SND1: variants seen among roughly 807,000 people sequenced by gnomAD.
SND1 encodes staphylococcal nuclease and tudor domain containing 1.
In SND1, 38 loss-of-function variants were observed where a neutral mutation model predicts 121.7. The observed-to-expected ratio is 0.31, with a 90% CI of 0.24 to 0.41. SND1 has a LOEUF of 0.41. Among genes scored for constraint, SND1 ranks in the 10% least tolerant of loss-of-function variants. SND1 has a pLI of 1.00. For synonymous variants in SND1, 401 were observed against 447.4 expected, an observed-to-expected ratio of 0.90 and a Z score of 1.31; for missense variants, 868 against 1,184.6, an observed-to-expected ratio of 0.73 and a Z score of 3.92.
intron 14 of SND1, among the ~76,000 whole-genome samples, chr7:127,921,529 A>G (rs1317677662): frequency 1.3e-5 from 2 of 152,140 alleles, no homozygotes; most frequent in African/African-American, 4.8e-5. Flanking sequence ...AAAATATTGT[A>G]TATTCTTCCT....
intron 10 of SND1, among the ~76,000 whole-genome samples, chr7:127,786,329 A>G (rs757194397): frequency 5.3e-5 from 8 of 152,184 alleles, no homozygotes; most frequent in Admixed American, 2.6e-4. Context: ...GATAAAATAC[A>G]TTGTTCAGTT....
intron 11 of SND1, among the ~76,000 whole-genome samples, chr7:127,808,597 G>T (rs1480303952): frequency 6.6e-6 from 1 of 152,146 alleles, no homozygotes; most frequent in African/African-American, 2.4e-5. Context: ...TTTGAAGTTG[G>T]ACATAAGGTA....
At chr7:127,742,101 G>C (rs17151229) in intron 10 of SND1, among the ~76,000 whole-genome samples, 42,921 of 152,022 alleles carry the variant, frequency 0.28, 7,551 homozygotes, top group East Asian at 0.67. Flanking sequence ...AGATCTACTT[G>C]ATGGGCAGCT....
chr7:127,743,450 G>A (rs1438452592), intron 10 of SND1, among the ~76,000 whole-genome samples: 1 of 152,172 alleles, frequency 6.6e-6, no homozygotes, highest in Non-Finnish European at 1.5e-5. Flanking sequence ...GGAAGGTGAT[G>A]CTTTTACTTT....
intron 10 of SND1, among the ~76,000 whole-genome samples, chr7:127,734,609 G>A (rs1212621317): frequency 1.3e-5 from 2 of 152,178 alleles, no homozygotes; most frequent in Non-Finnish European, 2.9e-5. Context: ...AGAGAACGTA[G>A]GAGCTTGATG....
At chr7:127,710,849 C>T (rs1796285614) in intron 9 of SND1, among the ~76,000 whole-genome samples, 1 of 152,180 alleles carries the variant, frequency 6.6e-6, no homozygotes, top group Admixed American at 6.5e-5. Flanking sequence ...TTACCCAGTT[C>T]TTCCAATATG....
chr7:127,731,511 C>T (rs989636079), intron 10 of SND1, among the ~76,000 whole-genome samples: 1 of 152,178 alleles, frequency 6.6e-6, no homozygotes, highest in Admixed American at 6.5e-5. Context: ...GTCCTTCCTT[C>T]GCAGATTGCC....
chr7:127,814,627 A>G (rs1032827210), intron 11 of SND1, among the ~76,000 whole-genome samples: 9 of 151,998 alleles, frequency 5.9e-5, no homozygotes, highest in Non-Finnish European at 1.0e-4. Flanking sequence ...TTCTAATGAG[A>G]AAAACGTTTT....
chr7:128,049,402 C>G (rs1793007526), intron 16 of SND1, among the ~76,000 whole-genome samples: 1 of 152,184 alleles, frequency 6.6e-6, no homozygotes, highest in Admixed American at 6.5e-5. Flanking sequence ...ACTGCCCCCA[C>G]TCCATCCCTC....
At chr7:128,088,410 G>A (rs950706317) in intron 21 of SND1, among the ~76,000 whole-genome samples, 2 of 148,080 alleles carry the variant, frequency 1.4e-5, no homozygotes, top group Non-Finnish European at 3.0e-5. Context: ...GCAGTGAGAT[G>A]ATGACACCAC....
At chr7:127,718,498 G>A (rs1045500753) in intron 9 of SND1, 2 of 843,840 alleles carry the variant, frequency 2.4e-6, no homozygotes, top group Non-Finnish European at 2.9e-6. Flanking sequence ...GGACACGCAC[G>A]CATGCACTCA....
intron 10 of SND1, among the ~76,000 whole-genome samples, chr7:127,792,227 A>G (rs772336072): frequency 2.6e-5 from 4 of 152,138 alleles, no homozygotes; most frequent in Non-Finnish European, 5.9e-5. Flanking sequence ...TTTTGTGCAT[A>G]TCTGCACAGT....
At chr7:128,068,556 G>A (rs1419235497) in intron 16 of SND1, among the ~76,000 whole-genome samples, 1 of 152,208 alleles carries the variant, frequency 6.6e-6, no homozygotes, top group African/African-American at 2.4e-5. Flanking sequence ...AGTTTGGGGT[G>A]GGGACAGGGA....
intron 16 of SND1, among the ~76,000 whole-genome samples, chr7:128,053,047 G>A (rs1027106813): frequency 6.6e-6 from 1 of 152,240 alleles, no homozygotes; most frequent in African/African-American, 2.4e-5. Context: ...ATAGGCATTA[G>A]CCAGATTAAA....
intron 11 of SND1, among the ~76,000 whole-genome samples, chr7:127,811,569 T>G (rs1798335404): frequency 6.6e-6 from 1 of 152,174 alleles, no homozygotes; most frequent in African/African-American, 2.4e-5. Flanking sequence ...GCGCCTACCT[T>G]GCTTATATCT....
intron 2 of SND1, among the ~76,000 whole-genome samples, chr7:127,690,619 C>T (rs1795896176): frequency 6.6e-6 from 1 of 152,222 alleles, no homozygotes; most frequent in Non-Finnish European, 1.5e-5. Context: ...GAGAGCCTTT[C>T]TCTCATCTCT....
intron 10 of SND1, among the ~76,000 whole-genome samples, chr7:127,795,835 CTTTT>C (rs1327679204): frequency 2.6e-5 from 4 of 151,626 alleles, no homozygotes; most frequent in Admixed American, 2.0e-4. Context: ...GTTTTCTAAT[CTTTT>C]ATTTATTTAT....
chr7:127,681,456 A>C (rs1795726145), intron 1 of SND1, among the ~76,000 whole-genome samples: 1 of 152,204 alleles, frequency 6.6e-6, no homozygotes, highest in African/African-American at 2.4e-5. Flanking sequence ...CTTTCTTGAT[A>C]GTGTCCATTG....
intron 16 of SND1, among the ~76,000 whole-genome samples, chr7:128,020,117 G>A (rs573316855): frequency 1.3e-5 from 2 of 152,340 alleles, no homozygotes; most frequent in East Asian, 1.9e-4. Flanking sequence ...GCCCCTTTTG[G>A]TTTATTAGCC....
Sources: allele counts gnomAD v4.1 joint callset (sites outside exome capture counted in the v4.1 genomes callset), GRCh38; gene constraint gnomAD v4.1.1; transcripts MANE v1.5; gene names NCBI Gene and HGNC (gene_info 2026-07-23, HGNC 2026-07-21).